SCMH1: variants seen among roughly 807,000 people sequenced by gnomAD.
SCMH1 encodes the protein Scm polycomb group protein homolog 1, also known as polycomb protein SCMH1.
A neutral mutation model predicts 70.8 loss-of-function variants in SCMH1; 37 were observed. The ratio of observed to expected loss-of-function variants is 0.52; its 90% confidence interval spans 0.40 to 0.69. The LOEUF (loss-of-function observed/expected upper bound fraction) is 0.69, where lower values mean the gene tolerates loss of function less well. Among genes scored for constraint, SCMH1 ranks in the 30% least tolerant of loss-of-function variants. The pLI is 0.00. For synonymous variants in SCMH1, 292 were observed against 307.4 expected (o/e 0.95, Z 0.52); for missense variants, 607 against 827.3 (o/e 0.73, Z 3.27).
chr1:41,121,541 TG>T (rs1027157700), intron 6 of SCMH1, among the ~76,000 whole-genome samples: 4 of 152,078 alleles, frequency 2.6e-5, no homozygotes, highest in African/African-American at 9.7e-5. Flanking sequence ...AAAGGACAGG[TG>T]GGTAAGAGGA....
At chr1:41,127,701 T>G (rs1673570037) in intron 6 of SCMH1, among the ~76,000 whole-genome samples, 1 of 152,194 alleles carries the variant, frequency 6.6e-6, no homozygotes, top group African/African-American at 2.4e-5. Context: ...TAGGAGATGA[T>G]GAAGGTTAAG....
At chr1:41,241,035 A>G (rs1160097043) in intron 1 of SCMH1, among the ~76,000 whole-genome samples, 1 of 152,222 alleles carries the variant, frequency 6.6e-6, no homozygotes, top group Admixed American at 6.5e-5. Context: ...AGCTTCCCAT[A>G]AGGGAAAAGA....
At chr1:41,075,514 GA>G in intron 8 of SCMH1, 63 bp from the exon 9 acceptor site, 6 of 1,404,634 alleles carry the variant, frequency 4.3e-6, no homozygotes, top group South Asian at 1.2e-5. Context: ...CCAGCCAGAA[GA>G]AAAAAAGGAC....
At chr1:41,197,143 T>A (rs1158659552) in intron 1 of SCMH1, among the ~76,000 whole-genome samples, 1 of 152,070 alleles carries the variant, frequency 6.6e-6, no homozygotes, top group African/African-American at 2.4e-5. Flanking sequence ...TGGCAGTTCT[T>A]CAAAAAGTCA....
chr1:41,037,821 G>A (rs1645518073), intron 12 of SCMH1, among the ~76,000 whole-genome samples: 1 of 152,172 alleles, frequency 6.6e-6, no homozygotes, highest in African/African-American at 2.4e-5. Flanking sequence ...TCTTGATAAG[G>A]AACATCTTAA....
intron 12 of SCMH1, chr1:41,042,981 A>G (rs1646403418): frequency 6.6e-6 from 1 of 152,258 alleles, no homozygotes; most frequent in Admixed American, 6.5e-5. Context: ...AATGCAGTGG[A>G]TGATCCTTTA....
intron 1 of SCMH1, among the ~76,000 whole-genome samples, chr1:41,236,157 A>G (rs1261116887): frequency 6.6e-6 from 1 of 152,242 alleles, no homozygotes; most frequent in Non-Finnish European, 1.5e-5. Flanking sequence ...TAGATATTGT[A>G]TAAGAATATA....
chr1:41,163,353 C>T (rs562030724), intron 2 of SCMH1, among the ~76,000 whole-genome samples: 2 of 152,158 alleles, frequency 1.3e-5, no homozygotes, highest in Admixed American at 6.5e-5. Context: ...CTCTTGGAGG[C>T]GTGAGATCCA....
At chr1:41,125,182 T>C (rs894451397) in intron 6 of SCMH1, among the ~76,000 whole-genome samples, 1 of 152,166 alleles carries the variant, frequency 6.6e-6, no homozygotes, top group Non-Finnish European at 1.5e-5. Flanking sequence ...ACTCAATTAT[T>C]AAAATAGTTG....
At chr1:41,063,235 A>T (rs1190824357) in intron 10 of SCMH1, among the ~76,000 whole-genome samples, 1 of 152,200 alleles carries the variant, frequency 6.6e-6, no homozygotes, top group Non-Finnish European at 1.5e-5. Context: ...GCACTTTGGG[A>T]GGCTGAGGCG....
intron 2 of SCMH1, among the ~76,000 whole-genome samples, chr1:41,177,789 A>C (rs1222969764): frequency 6.6e-6 from 1 of 152,208 alleles, no homozygotes; most frequent in Non-Finnish European, 1.5e-5. Flanking sequence ...TGATGGGGAG[A>C]ATGGAACCAA....
intron 1 of SCMH1, among the ~76,000 whole-genome samples, chr1:41,236,565 AACAGGTG>A (rs1388348948): frequency 6.6e-6 from 1 of 152,196 alleles, no homozygotes; most frequent in African/African-American, 2.4e-5. Context: ...GGACAAAGAT[AACAGGTG>A]ATAAGTCTTG....
intron 7 of SCMH1, among the ~76,000 whole-genome samples, chr1:41,115,905 T>C (rs1670351340): frequency 6.6e-6 from 1 of 152,260 alleles, no homozygotes; most frequent in Non-Finnish European, 1.5e-5. Context: ...AGCATATAGC[T>C]AGATTTTTAA....
intron 12 of SCMH1, among the ~76,000 whole-genome samples, chr1:41,039,986 T>G (rs1278686428): frequency 6.6e-6 from 1 of 150,526 alleles, no homozygotes; most frequent in African/African-American, 2.5e-5. Flanking sequence ...GTTCTACTGG[T>G]AAAACAAAAC....
chr1:41,041,737 G>T (rs1246465022), intron 12 of SCMH1, among the ~76,000 whole-genome samples: 1 of 152,160 alleles, frequency 6.6e-6, no homozygotes, highest in African/African-American at 2.4e-5. Flanking sequence ...TTGGGCAGGA[G>T]AACCACTTTA....
At chr1:41,058,676 G>A (rs1225555655) in intron 10 of SCMH1, among the ~76,000 whole-genome samples, 1 of 152,026 alleles carries the variant, frequency 6.6e-6, no homozygotes, top group Non-Finnish European at 1.5e-5. Context: ...CACCATGCTC[G>A]GCCTTATTTA....
chr1:41,064,739 A>C (rs535178560), intron 10 of SCMH1, among the ~76,000 whole-genome samples: 1 of 151,512 alleles, frequency 6.6e-6, no homozygotes, highest in African/African-American at 2.4e-5. Flanking sequence ...ATGGCGAGAA[A>C]CCATCTCTAT....
chr1:41,099,019 TG>T (rs1665872459), intron 8 of SCMH1: 2 of 256,430 alleles, frequency 7.8e-6, no homozygotes, highest in Non-Finnish European at 1.6e-5. Context: ...AGAAGCTCTA[TG>T]ACACTGATGT....
chr1:41,225,500 T>C (rs1300637393), intron 1 of SCMH1, among the ~76,000 whole-genome samples: 1 of 152,166 alleles, frequency 6.6e-6, no homozygotes, highest in African/African-American at 2.4e-5. Context: ...AACCATGTTA[T>C]GTGAGAAAGA....
Sources: gnomAD v4.1 joint callset for allele counts (sites outside exome capture counted in the v4.1 genomes callset) on GRCh38, gnomAD v4.1.1 for gene constraint, MANE v1.5 for transcripts, NCBI Gene and HGNC (gene_info 2026-07-23, HGNC 2026-07-21) for gene names.